Variants in SPAG17 observed in about 807,000 individuals in gnomAD.
SPAG17 encodes the protein sperm associated antigen 17, also known as sperm-associated antigen 17.
A neutral mutation model predicts 273.6 loss-of-function variants in SPAG17; 169 were observed. The ratio of observed to expected loss-of-function variants is 0.62; its 90% CI spans 0.55 to 0.70. The LOEUF (loss-of-function observed/expected upper bound fraction) is 0.70. Ranked by LOEUF, SPAG17 falls within the 30% of genes least tolerant of loss-of-function variation. SPAG17 has a pLI of 0.00. For missense variants in SPAG17, 2,557 were observed against 2,627.8 expected, an observed-to-expected ratio of 0.97 and a Z score of 0.59; for synonymous variants, 825 against 873.2, an observed-to-expected ratio of 0.94 and a Z score of 0.97.
At chr1:118,156,689 CCT>C (rs1256866581) in intron 1 of SPAG17, among the ~76,000 whole-genome samples, 1 of 152,184 alleles carries the variant, frequency 6.6e-6, no homozygotes, top group African/African-American at 2.4e-5. Flanking sequence ...CCATTCCTCC[CCT>C]CTCTCTCCTT....
At chr1:118,039,563 C>A in intron 22 of SPAG17, 119 bp from the exon 23 acceptor site, 1 of 976,468 alleles carries the variant, frequency 1.0e-6, no homozygotes. Flanking sequence ...CCAAACACTG[C>A]ATGTTCTCAC....
intron 3 of SPAG17, among the ~76,000 whole-genome samples, chr1:118,147,253 A>G (rs1456758900): frequency 6.6e-6 from 1 of 152,220 alleles, no homozygotes; most frequent in Admixed American, 6.5e-5. Flanking sequence ...GCCTGGCACT[A>G]GTGCTTTAAC....
At position 118,055,716 on chromosome 1, in the gene SPAG17, T is replaced by C. The variant is rs1181388045; in HGVS notation, c.2722+17A>G. The C allele has an allele frequency of 6.4e-7, 1 of 1,573,570 alleles. No individual in the cohort carries two copies. ...TCTTGAATTTTATTCTACGTATAAGTTGAACTGGTTACTTACTTTTAGATT... is the reference window on the plus strand; with the variant it reads ...TCTTGAATTTTATTCTACGTATAAGCTGAACTGGTTACTTACTTTTAGATT... On this transcript the variant is annotated intron_variant, in intron 19 of 48. Transcript: ENST00000336338.
chr1:118,097,672 T>G lies in SPAG17; in HGVS notation c.1009A>C (p.Met337Leu), dbSNP rs1197867342. ...CTCTCAGTAATGTGTGTACTAACCA[T>G]CATCTCACCATCTGACCAGTCAGAA... ...FPSDWSDGEM[M>L]LKLGTDIFEN... The change falls in exon 7 of 49, where the codon ATG becomes CTG. Residue 337 changes from methionine to leucine, a missense_variant and splice_region_variant. By Grantham distance (15) the Met-to-Leu change is conservative (BLOSUM62 2). Coordinates refer to ENST00000336338, the MANE Select transcript of SPAG17 (RefSeq NM_206996.4). The G allele has an allele frequency of 6.3e-7, 1 of 1,593,762 alleles. No individual in the cohort carries two copies. The highest frequency in any genetic ancestry group is 1.8e-5 in the Admixed American group (1 of 55,656).
intron 43 of SPAG17, among the ~76,000 whole-genome samples, chr1:117,979,021 C>T (rs1467745759): frequency 6.6e-6 from 1 of 152,052 alleles, no homozygotes; most frequent in Non-Finnish European, 1.5e-5. Flanking sequence ...GTGCATGCCA[C>T]CATGCCTGGC....
At chr1:117,999,378 G>C (rs1658016162) in intron 32 of SPAG17, among the ~76,000 whole-genome samples, 1 of 152,106 alleles carries the variant, frequency 6.6e-6, no homozygotes, top group South Asian at 2.1e-4. Flanking sequence ...TGTTATTTCT[G>C]GTTCTAGGGC....
chr1:118,126,249 A>G (rs1047648578), intron 3 of SPAG17, among the ~76,000 whole-genome samples: 2 of 124,222 alleles, frequency 1.6e-5, no homozygotes, highest in African/African-American at 6.1e-5. Flanking sequence ...TCTGTTGCCC[A>G]GGCTGGAGTG....
rs934777083 is a variant in SPAG17 at position 117,977,160 on chromosome 1, A to G, written c.6005-3599T>C. On this transcript the variant is annotated intron_variant, in intron 43 of 48. Coordinates refer to ENST00000336338, the MANE Select transcript of SPAG17 (RefSeq NM_206996.4). ...CCCCGTCTCTACTAAAAATACAAAA[A>G]AAAAAAAAAAATTAGCTGGGTGTGA... Among the ~76,000 whole-genome samples, 249 of 151,114 alleles carry G rather than the reference A, an allele frequency of 1.6e-3. 2 individuals are homozygous for G. The highest frequency in any genetic ancestry group is 6.9e-3 in the Middle Eastern group (2 of 290).
intron 1 of SPAG17, among the ~76,000 whole-genome samples, chr1:118,154,257 C>G (rs1659533552): frequency 6.6e-6 from 1 of 152,154 alleles, no homozygotes; most frequent in Non-Finnish European, 1.5e-5. Context: ...TTTAAAATTG[C>G]ATCTATGTGG....
chr1:118,017,193 G>A (rs962575780), intron 28 of SPAG17, among the ~76,000 whole-genome samples: 1 of 152,026 alleles, frequency 6.6e-6, no homozygotes, highest in South Asian at 2.1e-4. Context: ...GAGTGAAAAT[G>A]GTATCGCTTT....
intron 1 of SPAG17, among the ~76,000 whole-genome samples, chr1:118,182,141 C>T (rs1660979499): frequency 6.6e-6 from 1 of 151,968 alleles, no homozygotes; most frequent in Non-Finnish European, 1.5e-5. Context: ...AGACATGTTA[C>T]AATATGAATG....
rs747481141 is a variant in SPAG17 at position 118,028,284 on chromosome 1, T to G, written c.3720A>C (p.Gln1240His). ...CCATATAGCACTTACCTGTAGATTC[T>G]TGTCCAATGAAAGTCAACAGGAGCC... ...PSGLLLTFIGQESTGQYVIDE... is the reference protein window; with the variant it reads ...PSGLLLTFIGHESTGQYVIDE... The change falls in exon 26 of 49, where the codon CAA (glutamine) becomes CAC (histidine). Residue 1240 changes from glutamine to histidine, a missense_variant. Gln to His is a conservative substitution (Grantham distance 24). Coordinates refer to ENST00000336338, the MANE Select transcript of SPAG17 (RefSeq NM_206996.4). 1 of 1,613,548 alleles carries G rather than the reference T, an allele frequency of 6.2e-7. No individual in the cohort carries two copies. Among genetic ancestry groups the G allele is most frequent in the Non-Finnish European group, 8.5e-7 (1 of 1,179,616 alleles).
intron 38 of SPAG17, among the ~76,000 whole-genome samples, chr1:117,989,505 G>A (rs954331004): frequency 4.6e-5 from 7 of 151,860 alleles, no homozygotes; most frequent in African/African-American, 1.4e-4. Flanking sequence ...CCATTCATGA[G>A]GGATCCACCC....
intron 22 of SPAG17, among the ~76,000 whole-genome samples, 190 bp downstream of exon 22, chr1:118,040,540 G>A (rs1046921138): frequency 3.9e-5 from 6 of 152,092 alleles, no homozygotes; most frequent in Admixed American, 3.3e-4. Flanking sequence ...CCCTTGACTG[G>A]CCTATGCCTT....
chr1:118,164,857 C>G (rs1236486233), intron 1 of SPAG17, among the ~76,000 whole-genome samples: 1 of 152,196 alleles, frequency 6.6e-6, no homozygotes, highest in African/African-American at 2.4e-5. Context: ...AATGGGAATA[C>G]TACTTTTTTG....
chr1:118,168,660 G>C (rs1037829364), intron 1 of SPAG17, among the ~76,000 whole-genome samples: 47 of 152,194 alleles, frequency 3.1e-4, no homozygotes, highest in African/African-American at 1.1e-3. Flanking sequence ...CATATATTCT[G>C]TAAGAGAATA....
chr1:118,018,732 A>G (rs1364451475), intron 28 of SPAG17, among the ~76,000 whole-genome samples: 1 of 152,166 alleles, frequency 6.6e-6, no homozygotes, highest in East Asian at 1.9e-4. Flanking sequence ...ATGCAAGCCA[A>G]CTTTTCAACA....
At chr1:118,130,133 TGTTA>T (rs1462537711) in intron 3 of SPAG17, among the ~76,000 whole-genome samples, 2 of 152,318 alleles carry the variant, frequency 1.3e-5, no homozygotes, top group African/African-American at 2.4e-5. Context: ...CTCTTTGACT[TGTTA>T]GTTAGCTCTA....
intron 13 of SPAG17, among the ~76,000 whole-genome samples, chr1:118,084,145 C>T (rs1654813698): frequency 6.6e-6 from 1 of 151,978 alleles, no homozygotes; most frequent in Non-Finnish European, 1.5e-5. Context: ...AGAAGTTCAC[C>T]CCCTACTCAG....
Sources: allele counts gnomAD v4.1 joint callset (sites outside exome capture counted in the v4.1 genomes callset), GRCh38; gene constraint gnomAD v4.1.1; transcripts MANE v1.5; gene names NCBI Gene and HGNC (gene_info 2026-07-23, HGNC 2026-07-21).